GALNT10: variants seen among roughly 807,000 people sequenced by gnomAD.
GALNT10 encodes the protein GalNAc transferase 10.
Under a neutral mutation model 75.0 loss-of-function variants are expected in GALNT10, and 41 were observed. The observed-to-expected ratio is 0.55, with a 90% CI of 0.43 to 0.71. The LOEUF is 0.71. Ranked by LOEUF, GALNT10 falls within the 30% of genes least tolerant of loss-of-function variation. The probability of loss-of-function intolerance (pLI) is 0.00; values close to 1 mark genes in which losing one functional copy is unlikely to be tolerated. For missense variants in GALNT10, 727 were observed against 818.5 expected (o/e 0.89, Z 1.36); for synonymous variants, 302 against 313.0 (o/e 0.96, Z 0.37).
intron 3 of GALNT10, among the ~76,000 whole-genome samples, chr5:154,320,511 T>C (rs1027764364): frequency 6.6e-6 from 1 of 151,646 alleles, no homozygotes; most frequent in Non-Finnish European, 1.5e-5. Context: ...CAAGCAAGCC[T>C]CCTGTGAAAT....
intron 4 of GALNT10, among the ~76,000 whole-genome samples, chr5:154,332,132 C>T (rs1321459114): frequency 6.6e-6 from 1 of 152,210 alleles, no homozygotes. Flanking sequence ...CTGCCACCCA[C>T]AGGCCAAGGG....
At chr5:154,198,319 G>A (rs1053255417) in intron 1 of GALNT10, among the ~76,000 whole-genome samples, 1 of 152,224 alleles carries the variant, frequency 6.6e-6, no homozygotes, top group African/African-American at 2.4e-5. Context: ...GTCACTGTGG[G>A]TAAAACCCCA....
chr5:154,327,720 A>G (rs1754777465), intron 3 of GALNT10, among the ~76,000 whole-genome samples: 1 of 152,216 alleles, frequency 6.6e-6, no homozygotes, highest in Non-Finnish European at 1.5e-5. Flanking sequence ...GATGTGGTAA[A>G]GTTTTCTCTA....
intron 1 of GALNT10, among the ~76,000 whole-genome samples, chr5:154,223,131 G>A (rs1561633511): frequency 2.0e-5 from 3 of 152,188 alleles, no homozygotes; most frequent in Non-Finnish European, 1.5e-5. Context: ...TAGAAGAGAT[G>A]GAAGGAAAGG....
chr5:154,276,796 G>A (rs181254565), intron 1 of GALNT10, among the ~76,000 whole-genome samples: 62 of 152,280 alleles, frequency 4.1e-4, no homozygotes, highest in Middle Eastern at 3.4e-3. Flanking sequence ...GAGGTCAGTG[G>A]AAGGGAGATT....
chr5:154,226,216 T>C (rs990657510), intron 1 of GALNT10, among the ~76,000 whole-genome samples: 1 of 152,220 alleles, frequency 6.6e-6, no homozygotes, highest in Non-Finnish European at 1.5e-5. Flanking sequence ...ACAGGGAACT[T>C]AGCATATCAG....
intron 1 of GALNT10, among the ~76,000 whole-genome samples, chr5:154,280,725 C>G (rs946946502): frequency 6.6e-6 from 1 of 152,180 alleles, no homozygotes; most frequent in Admixed American, 6.5e-5. Context: ...CTAAGATTTT[C>G]TCACATACTT....
intron 1 of GALNT10, among the ~76,000 whole-genome samples, chr5:154,271,053 GC>G (rs1753853546): frequency 6.6e-6 from 1 of 151,220 alleles, no homozygotes; most frequent in Non-Finnish European, 1.5e-5. Flanking sequence ...TGCTTGTGTG[GC>G]CCACTGGATG....
chr5:154,204,145 G>T (rs908608523), intron 1 of GALNT10, among the ~76,000 whole-genome samples: 9 of 152,176 alleles, frequency 5.9e-5, no homozygotes, highest in Non-Finnish European at 1.2e-4. Context: ...TGTGACCCTA[G>T]TTGGGTCCCT....
intron 1 of GALNT10, chr5:154,220,071 T>C (rs1234445768): frequency 1.3e-5 from 2 of 152,190 alleles, no homozygotes; most frequent in Non-Finnish European, 2.9e-5. Context: ...GTGCTTAGCC[T>C]CCAAGTATGG....
rs1582023798 is a variant in GALNT10 at position 154,417,038 on chromosome 5, G to A, written c.*66G>A. ...TCACTGCAGACTTCCTCTTTCAAGG[G>A]AGGCAGGGCCCCTGTGGGCACTAGG... On this transcript the variant is annotated 3_prime_UTR_variant, in exon 12 of 12. Transcript: ENST00000297107. The A allele has an allele frequency of 6.8e-7, 1 of 1,467,040 alleles. No individual in the cohort carries two copies. The highest frequency in any genetic ancestry group is 1.4e-5 in the African/African-American group (1 of 72,074). 90.9% of individuals were successfully genotyped at this position (1,467,040 alleles called of 1,614,324 possible).
chr5:154,325,542 G>T (rs1754744270), intron 3 of GALNT10, among the ~76,000 whole-genome samples: 1 of 151,572 alleles, frequency 6.6e-6, no homozygotes, highest in Non-Finnish European at 1.5e-5. Flanking sequence ...TTGCAGGAAT[G>T]CAAGACTGGT....
intron 3 of GALNT10, among the ~76,000 whole-genome samples, chr5:154,316,228 A>C (rs553625628): frequency 2.3e-4 from 35 of 152,316 alleles, no homozygotes; most frequent in African/African-American, 8.2e-4. Context: ...GGCTCCTTTA[A>C]ACTGTGTCTG....
At chr5:154,351,433 GT>G (rs1304020250) in intron 4 of GALNT10, among the ~76,000 whole-genome samples, 1 of 152,190 alleles carries the variant, frequency 6.6e-6, no homozygotes, top group Non-Finnish European at 1.5e-5. Flanking sequence ...TTATTTCTAG[GT>G]GATAGAATCA....
intron 7 of GALNT10, among the ~76,000 whole-genome samples, chr5:154,390,494 T>C (rs1755877408): frequency 1.3e-5 from 2 of 152,236 alleles, no homozygotes. Flanking sequence ...AGAGAACCTT[T>C]CTAAAAGCCT....
intron 4 of GALNT10, among the ~76,000 whole-genome samples, chr5:154,369,895 G>C (rs886908820): frequency 2.4e-4 from 37 of 152,326 alleles, no homozygotes; most frequent in African/African-American, 8.7e-4. Flanking sequence ...GCTGCTCCAT[G>C]GGGTGCTCTC....
intron 1 of GALNT10, among the ~76,000 whole-genome samples, chr5:154,293,845 G>A (rs1383023439): frequency 6.6e-6 from 1 of 151,866 alleles, no homozygotes; most frequent in East Asian, 1.9e-4. Context: ...CTCTCCTGTC[G>A]ACCTGTCTGA....
chr5:154,374,270 A>G (rs967191960), intron 4 of GALNT10, among the ~76,000 whole-genome samples: 6 of 152,230 alleles, frequency 3.9e-5, no homozygotes, highest in Admixed American at 2.0e-4. Flanking sequence ...TTTGTGCACA[A>G]GCAAGAAAAG....
At chr5:154,371,901 T>C (rs1470493739) in intron 4 of GALNT10, among the ~76,000 whole-genome samples, 1 of 152,168 alleles carries the variant, frequency 6.6e-6, no homozygotes, top group Non-Finnish European at 1.5e-5. Flanking sequence ...CCTTCTCCGT[T>C]AATCCCCTGG....
Sources: gnomAD v4.1 joint callset for allele counts (sites outside exome capture counted in the v4.1 genomes callset) on GRCh38, gnomAD v4.1.1 for gene constraint, MANE v1.5 for transcripts, NCBI Gene and HGNC (gene_info 2026-07-23, HGNC 2026-07-21) for gene names.